ABAT: variants seen among roughly 807,000 people sequenced by gnomAD.
ABAT encodes 4-aminobutyrate aminotransferase, mitochondrial.
Under a neutral mutation model 64.6 loss-of-function variants are expected in ABAT, and 45 were observed. That is an observed-to-expected ratio of 0.70 (90% confidence interval 0.55 to 0.89). The LOEUF (loss-of-function observed/expected upper bound fraction) is 0.89. ABAT is among the 40% of genes least tolerant of loss of function. The pLI is 0.00. For missense variants in ABAT, 633 were observed against 658.4 expected (o/e 0.96, Z 0.42); for synonymous variants, 297 against 250.5 (o/e 1.19, Z -1.75).
At chr16:8,726,080 C>T (rs1187684850) in intron 1 of ABAT, among the ~76,000 whole-genome samples, 1 of 152,030 alleles carries the variant, frequency 6.6e-6, no homozygotes, top group African/African-American at 2.4e-5. Flanking sequence ...ATTCAACCCG[C>T]CACTACCCTT....
intron 9 of ABAT, among the ~76,000 whole-genome samples, chr16:8,767,778 C>T (rs1016205499): frequency 2.0e-5 from 3 of 152,090 alleles, no homozygotes; most frequent in Admixed American, 6.6e-5. Context: ...CGGGTTCAAG[C>T]GATTCTCCTG....
intron 1 of ABAT, among the ~76,000 whole-genome samples, chr16:8,692,859 C>G (rs1184503901): frequency 6.6e-6 from 1 of 152,004 alleles, no homozygotes; most frequent in Non-Finnish European, 1.5e-5. Flanking sequence ...CCAAAGGTAC[C>G]TTTTTCTTTT....
chr16:8,731,044 T>G (rs2058704568), intron 1 of ABAT, among the ~76,000 whole-genome samples: 1 of 152,022 alleles, frequency 6.6e-6, no homozygotes, highest in African/African-American at 2.4e-5. Context: ...CTCACTGCCA[T>G]CTCCGCCTCC....
At chr16:8,686,906 G>A (rs1475132997) in intron 1 of ABAT, among the ~76,000 whole-genome samples, 1 of 152,232 alleles carries the variant, frequency 6.6e-6, no homozygotes, top group Non-Finnish European at 1.5e-5. Flanking sequence ...GAGAAAGTCT[G>A]AAAGTGCTTT....
chr16:8,764,127 A>C lies in ABAT; in HGVS notation c.425A>C (p.Lys142Thr), dbSNP rs745997545. ...CTGCCTCCGGAGAACTTTGTGGAGA[A>C]GCTCCGGCAGTCCTTGCTCTCGGTG... ...GILPPENFVE[K>T]LRQSLLSVAP... is the part of the protein sequence containing the mutation. The change falls in exon 7 of 16, where the codon AAG becomes ACG. Residue 142 changes from lysine (K) to threonine (T), a missense_variant. Physicochemically the swap from Lys to Thr is moderately conservative, Grantham distance 78. Coordinates refer to ENST00000268251, the MANE Select transcript of ABAT (RefSeq NM_020686.6). The surrounding 1 kb of genome is among the most constrained non-coding windows in gnomAD (Gnocchi z 4.2). 2 of 1,613,402 alleles carry C rather than the reference A, an allele frequency of 1.2e-6. No homozygotes were observed. Among genetic ancestry groups the C allele is most frequent in the South Asian group, 2.2e-5 (2 of 91,060 alleles).
intron 2 of ABAT, among the ~76,000 whole-genome samples, chr16:8,738,013 A>AAAGG (rs2059028186): frequency 1.8e-5 from 2 of 111,916 alleles, no homozygotes; most frequent in East Asian, 5.4e-4. Context: ...AGAAAGAAAG[A>AAAGG]AAGGAAAGAA....
At chr16:8,763,683 C>T (rs777703783) in intron 6 of ABAT, among the ~76,000 whole-genome samples, 12 of 152,168 alleles carry the variant, frequency 7.9e-5, no homozygotes, top group Non-Finnish European at 1.2e-4. Context: ...GGATTACAGG[C>T]GTGAGGCACT....
chr16:8,702,498 C>T (rs1325884092), intron 1 of ABAT, among the ~76,000 whole-genome samples: 1 of 152,176 alleles, frequency 6.6e-6, no homozygotes, highest in Non-Finnish European at 1.5e-5. Flanking sequence ...AGTAATCCTC[C>T]CGCCTCGGCC....
intron 1 of ABAT, among the ~76,000 whole-genome samples, chr16:8,724,823 GTC>G (rs2058493565): frequency 6.7e-6 from 1 of 148,180 alleles, no homozygotes. Flanking sequence ...TGAAGAATAA[GTC>G]TGTGTGATCA....
chr16:8,747,929 G>T (rs140140204), intron 3 of ABAT, among the ~76,000 whole-genome samples, 179 bp from the exon 4 acceptor site: 2,192 of 152,228 alleles, frequency 0.014, 27 homozygotes, highest in Non-Finnish European at 0.025. Context: ...GCGTGTAATG[G>T]AATAGTTTCC....
At chr16:8,721,804 G>T (rs548650422) in intron 1 of ABAT, among the ~76,000 whole-genome samples, 1 of 152,012 alleles carries the variant, frequency 6.6e-6, no homozygotes, top group African/African-American at 2.4e-5. Flanking sequence ...GCCCCTCCCC[G>T]CAATGCACCA....
At chr16:8,694,377 G>A (rs896914348) in intron 1 of ABAT, among the ~76,000 whole-genome samples, 14 of 151,058 alleles carry the variant, frequency 9.3e-5, no homozygotes, top group Non-Finnish European at 1.3e-4. Flanking sequence ...CACCTTGCAC[G>A]TTTTTTGTTT....
intron 1 of ABAT, among the ~76,000 whole-genome samples, chr16:8,696,603 C>T (rs1417101195): frequency 6.6e-6 from 1 of 151,998 alleles, no homozygotes; most frequent in African/African-American, 2.4e-5. Flanking sequence ...CTGGGTGACA[C>T]AGCGAGACTC....
chr16:8,757,916 A>T, intron 6 of ABAT, 110 bp downstream of exon 6: 2 of 1,219,166 alleles, frequency 1.6e-6, no homozygotes, highest in Non-Finnish European at 2.4e-6. Flanking sequence ...CATTCCATAA[A>T]TATGTATTGA....
Position 8,764,596 on chromosome 16 carries a change from C to T in ABAT, c.448-142C>T, listed in dbSNP as rs1596464626. Reference sequence around the variant, plus strand: ...ACCCCTGGAAAAGCCTGAGCCCACCCTCCCAGTCCGACACCTTCCAGGACA... The same window carrying T: ...ACCCCTGGAAAAGCCTGAGCCCACCTTCCCAGTCCGACACCTTCCAGGACA... On this transcript the variant is annotated intron_variant, in intron 7 of 15. Transcript: ENST00000268251. The surrounding 1 kb of genome is among the most constrained non-coding windows in gnomAD (Gnocchi z 4.2). 1.2e-6 allele frequency: 1 copy of T among 822,128 alleles called. No homozygotes were observed. The allele number at this position is 822,128 out of a possible 1,614,324, so 50.9% of individuals were successfully genotyped here. A position where few individuals can be genotyped will look rare whatever the true frequency, so the allele number is the denominator to read the frequency against.
intron 1 of ABAT, among the ~76,000 whole-genome samples, chr16:8,675,416 G>C (rs568728714): frequency 6.6e-6 from 1 of 151,930 alleles, no homozygotes; most frequent in East Asian, 1.9e-4. Flanking sequence ...CAAAGGTCTG[G>C]CCACCCCTCC....
intron 1 of ABAT, among the ~76,000 whole-genome samples, chr16:8,730,710 G>A (rs962207165): frequency 3.3e-5 from 5 of 152,082 alleles, no homozygotes; most frequent in African/African-American, 1.2e-4. Flanking sequence ...GCCCAAGCCA[G>A]GGCTGCATGA....
At chr16:8,752,594 A>G (rs76455343) in intron 5 of ABAT, among the ~76,000 whole-genome samples, 11,344 of 152,136 alleles carry the variant, frequency 0.075, 570 homozygotes, top group Middle Eastern at 0.16. Flanking sequence ...ACCAACCCCA[A>G]TCTCTACAAA....
At chr16:8,779,643 T>C in intron 15 of ABAT, 53 bp downstream of exon 15, 2 of 1,436,520 alleles carry the variant, frequency 1.4e-6, no homozygotes, top group East Asian at 2.3e-5. Context: ...TATCTCCTGC[T>C]GTAGCTGCCA....
Sources: allele counts gnomAD v4.1 joint callset (sites outside exome capture counted in the v4.1 genomes callset), GRCh38; gene constraint gnomAD v4.1.1; non-coding constraint Gnocchi (gnomAD v3.1); transcripts MANE v1.5; gene names NCBI Gene and HGNC (gene_info 2026-07-23, HGNC 2026-07-21).